MBNL2: variants seen among roughly 807,000 people sequenced by gnomAD.
MBNL2 encodes the protein muscleblind-like protein 2.
Under a neutral mutation model 41.9 loss-of-function variants are expected in MBNL2, and 17 were observed. That is an observed-to-expected ratio of 0.41 (90% CI 0.28 to 0.61). The LOEUF is 0.61. MBNL2 is among the 20% of genes least tolerant of loss of function. MBNL2 has a pLI of 0.35. For synonymous variants in MBNL2, 195 were observed against 182.9 expected (o/e 1.07, Z -0.53); for missense variants, 336 against 505.6 (o/e 0.66, Z 3.22).
the MBNL2 span, among the ~76,000 whole-genome samples, chr13:97,148,623 CTAAA>C: frequency 6.6e-5 from 10 of 152,176 alleles, no homozygotes; most frequent in African/African-American, 2.4e-4. Flanking sequence ...GAAAACTACT[CTAAA>C]TAAAGTCTAT....
intron 1 of MBNL2, among the ~76,000 whole-genome samples, chr13:97,255,477 T>C (rs1331038303): frequency 2.0e-5 from 3 of 152,150 alleles, no homozygotes; most frequent in African/African-American, 7.2e-5. Flanking sequence ...CAGAGTCGTC[T>C]TTTAGGATTG....
chr13:97,237,413 A>G (rs1286109077), intron 1 of MBNL2, among the ~76,000 whole-genome samples: 2 of 152,240 alleles, frequency 1.3e-5, no homozygotes, highest in Non-Finnish European at 1.5e-5. Flanking sequence ...GTGGATGAGG[A>G]GAAAATTATT....
chr13:97,362,434 T>C (rs1044276487), intron 7 of MBNL2, among the ~76,000 whole-genome samples: 3 of 152,154 alleles, frequency 2.0e-5, no homozygotes, highest in African/African-American at 7.2e-5. Context: ...AAGTGACATA[T>C]ACCCTGAGAT....
chr13:97,183,849 C>T, the MBNL2 span, among the ~76,000 whole-genome samples: 3 of 152,334 alleles, frequency 2.0e-5, no homozygotes, highest in East Asian at 5.8e-4. Context: ...GAATTGCTTC[C>T]ATAAACATGC....
At chr13:97,217,158 A>G (rs552755678), upstream of MBNL2, among the ~76,000 whole-genome samples, 3 of 149,922 alleles carry the variant, frequency 2.0e-5, no homozygotes, top group East Asian at 5.8e-4. Context: ...ATAATTATAC[A>G]TTATACATAA....
the MBNL2 span, among the ~76,000 whole-genome samples, chr13:97,153,612 T>C: frequency 1.3e-5 from 2 of 152,166 alleles, no homozygotes. Context: ...AAAGACCATT[T>C]AGGAAAAAAC....
chr13:97,340,290 C>T (rs1230505945), intron 3 of MBNL2, among the ~76,000 whole-genome samples: 1 of 152,208 alleles, frequency 6.6e-6, no homozygotes, highest in African/African-American at 2.4e-5. Flanking sequence ...ACATATCCAA[C>T]TGCGTCTGTC....
intron 1 of MBNL2, among the ~76,000 whole-genome samples, chr13:97,253,767 T>TTTATTAATACGTATTAATAAGTTC (rs2047023656): frequency 1.3e-5 from 2 of 149,408 alleles, no homozygotes; most frequent in Non-Finnish European, 2.9e-5. Flanking sequence ...TACGTATTAA[T>TTTATTAATACGTATTAATAAGTTC]TTATTAATAC....
At chr13:97,314,599 C>T (rs1165975466) in intron 2 of MBNL2, among the ~76,000 whole-genome samples, 1 of 152,172 alleles carries the variant, frequency 6.6e-6, no homozygotes, top group African/African-American at 2.4e-5. Context: ...CTCAATCATG[C>T]AATGAATGGA....
chr13:97,239,618 C>G (rs1594077502), intron 1 of MBNL2, among the ~76,000 whole-genome samples: 1 of 152,184 alleles, frequency 6.6e-6, no homozygotes, highest in African/African-American at 2.4e-5. Context: ...ATCCCTTCAA[C>G]CAGGGATCTT....
chr13:97,381,358 C>T (rs549973430), intron 8 of MBNL2, among the ~76,000 whole-genome samples: 35 of 152,092 alleles, frequency 2.3e-4, no homozygotes, highest in Non-Finnish European at 4.9e-4. Context: ...AAAGCCAATT[C>T]TTAGCAGGCT....
chr13:97,300,058 G>T (rs1227060228), intron 2 of MBNL2, among the ~76,000 whole-genome samples: 1 of 152,116 alleles, frequency 6.6e-6, no homozygotes, highest in African/African-American at 2.4e-5. Context: ...CATAGTCAAG[G>T]CTGGGTCACT....
At chr13:97,257,962 C>T (rs895915496) in intron 1 of MBNL2, among the ~76,000 whole-genome samples, 2 of 152,220 alleles carry the variant, frequency 1.3e-5, no homozygotes, top group African/African-American at 4.8e-5. Flanking sequence ...CATGGAGACA[C>T]AGCACAGGGT....
chr13:97,173,214 C>CT, the MBNL2 span, among the ~76,000 whole-genome samples: 1 of 152,138 alleles, frequency 6.6e-6, no homozygotes, highest in Non-Finnish European at 1.5e-5. Flanking sequence ...TTCCAATTTT[C>CT]TTAAAACAAC....
chr13:97,239,329 AT>A (rs1193632764), intron 1 of MBNL2, among the ~76,000 whole-genome samples: 1 of 152,256 alleles, frequency 6.6e-6, no homozygotes, highest in Non-Finnish European at 1.5e-5. Flanking sequence ...ATCTCCATGC[AT>A]TTTAAACTTG....
chr13:97,205,459 A>G, the MBNL2 span, among the ~76,000 whole-genome samples: 3 of 152,154 alleles, frequency 2.0e-5, no homozygotes, highest in Non-Finnish European at 2.9e-5. Context: ...TATAAAGTAT[A>G]TGACAGAAGC....
chr13:97,244,795 G>A (rs2045108696), intron 1 of MBNL2, among the ~76,000 whole-genome samples: 1 of 152,156 alleles, frequency 6.6e-6, no homozygotes, highest in South Asian at 2.1e-4. Flanking sequence ...GATACACCAG[G>A]TCTGCACTGG....
chr13:97,179,971 A>C, the MBNL2 span, among the ~76,000 whole-genome samples: 1 of 152,256 alleles, frequency 6.6e-6, no homozygotes, highest in Non-Finnish European at 1.5e-5. Flanking sequence ...TGCATAGAGC[A>C]TGAACAATTT....
chr13:97,233,057 C>T lies in MBNL2; in HGVS notation c.-605+10526C>T, dbSNP rs77916921. ...CTCTCTATGAGAATTCTTAGAGATC[C>T]CTTTTTTCTTTGACTTCCCTTCCTG... On this transcript the variant is annotated intron_variant, in intron 1 of 8. Coordinates refer to ENST00000679496, the MANE Select transcript of MBNL2 (RefSeq NM_001382683.1). Among the ~76,000 whole-genome samples, 598 of 138,506 alleles carry T rather than the reference C, an allele frequency of 4.3e-3. 4 individuals are homozygous for T. The highest frequency in any genetic ancestry group is 0.015 in the African/African-American group (560 of 36,680). 90.9% of individuals were successfully genotyped at this position (138,506 alleles called of 152,430 possible).
Sources: gnomAD v4.1 joint callset for allele counts (sites outside exome capture counted in the v4.1 genomes callset) on GRCh38, gnomAD v4.1.1 for gene constraint, MANE v1.5 for transcripts, NCBI Gene and HGNC (gene_info 2026-07-23, HGNC 2026-07-21) for gene names.